MYT1L: variants seen among roughly 807,000 people sequenced by gnomAD.
MYT1L encodes myelin transcription factor 1 like.
A neutral mutation model predicts 126.7 loss-of-function variants in MYT1L; 12 were observed. The ratio of observed to expected loss-of-function variants is 0.09; its 90% CI spans 0.06 to 0.15. The LOEUF (loss-of-function observed/expected upper bound fraction) is 0.15, where lower values mean the gene tolerates loss of function less well. Ranked by LOEUF, MYT1L falls within the 10% of genes least tolerant of loss-of-function variation. MYT1L has a pLI of 1.00. For missense variants in MYT1L, 979 were observed against 1,585.2 expected (o/e 0.62, Z 6.49); for synonymous variants, 541 against 604.2 (o/e 0.90, Z 1.53).
intron 2 of MYT1L, among the ~76,000 whole-genome samples, chr2:2,189,783 C>T (rs1326074795): frequency 2.0e-5 from 3 of 150,928 alleles, no homozygotes; most frequent in Non-Finnish European, 2.9e-5. Flanking sequence ...CAGGACCGCA[C>T]GGGGAGAAGC....
intron 2 of MYT1L, among the ~76,000 whole-genome samples, chr2:2,193,083 T>G (rs900024811): frequency 9.2e-5 from 14 of 152,108 alleles, no homozygotes; most frequent in African/African-American, 2.9e-4. Flanking sequence ...GCCTCAGTGA[T>G]TCTCCTGCCT....
chr2:1,945,976 T>C (rs184728081), intron 8 of MYT1L, among the ~76,000 whole-genome samples: 31 of 152,272 alleles, frequency 2.0e-4, no homozygotes, highest in Admixed American at 7.8e-4. Flanking sequence ...TGTGGCCTGT[T>C]AGGAACTGGG....
At chr2:1,810,624 A>G (rs923062460) in intron 21 of MYT1L, among the ~76,000 whole-genome samples, 1 of 152,172 alleles carries the variant, frequency 6.6e-6, no homozygotes, top group Non-Finnish European at 1.5e-5. Context: ...AAATATCTCT[A>G]ATATCTGCAT....
chr2:2,130,844 A>C (rs2082278330), intron 3 of MYT1L, among the ~76,000 whole-genome samples: 1 of 152,166 alleles, frequency 6.6e-6, no homozygotes, highest in Admixed American at 6.5e-5. Context: ...AGTTTATGAC[A>C]ATTTTATTTG....
intron 2 of MYT1L, among the ~76,000 whole-genome samples, chr2:2,215,168 G>T (rs1326469308): frequency 1.3e-5 from 2 of 151,988 alleles, no homozygotes; most frequent in African/African-American, 4.8e-5. Flanking sequence ...AGAACAGATG[G>T]GATAAATATA....
chr2:2,114,138 C>T (rs2079884838), intron 3 of MYT1L, among the ~76,000 whole-genome samples: 1 of 152,348 alleles, frequency 6.6e-6, no homozygotes, highest in Admixed American at 6.5e-5. Flanking sequence ...GGAGCTGGAG[C>T]TCAGAGTAAT....
chr2:2,106,136 C>T (rs1037617671), intron 3 of MYT1L, among the ~76,000 whole-genome samples: 1 of 152,110 alleles, frequency 6.6e-6, no homozygotes, highest in Non-Finnish European at 1.5e-5. Context: ...CACCCGGGAT[C>T]GGACGACCAG....
At chr2:2,201,309 C>T (rs1246499262) in intron 2 of MYT1L, among the ~76,000 whole-genome samples, 4 of 152,202 alleles carry the variant, frequency 2.6e-5, no homozygotes, top group African/African-American at 4.8e-5. Flanking sequence ...TAAATCTGCA[C>T]TCCTCATGGT....
chr2:1,887,343 C>T lies in MYT1L; in HGVS notation c.2642+145G>A, dbSNP rs569270532. 28 of 1,057,290 alleles carry T rather than the reference C, an allele frequency of 2.6e-5. No individual in the cohort carries two copies. The highest frequency in any genetic ancestry group is 3.9e-5 in the Non-Finnish European group (28 of 717,198). The allele number at this position is 1,057,290 out of a possible 1,614,324, so 65.5% of individuals were successfully genotyped here. On this transcript the variant is annotated intron_variant, in intron 17 of 24. Transcript: ENST00000647738. This position sits in a 1 kb window ranked among gnomAD's most constrained non-coding sequence, Gnocchi z 4.8. The stretch of plus-strand genomic sequence containing the variant: ...GCAAGTGCACGGTTAGCTGCTCACT[C>T]TACTGACCCAGCAGTCGGAAACATT...
intron 3 of MYT1L, among the ~76,000 whole-genome samples, chr2:2,140,565 G>C (rs2083817454): frequency 6.6e-6 from 1 of 151,210 alleles, no homozygotes; most frequent in African/African-American, 2.4e-5. Flanking sequence ...CTCCCAAGTA[G>C]CTGGGACTAC....
chr2:2,078,213 T>G (rs1490318185), intron 3 of MYT1L, among the ~76,000 whole-genome samples: 1 of 151,924 alleles, frequency 6.6e-6, no homozygotes, highest in Non-Finnish European at 1.5e-5. Context: ...ACAAAGGAAC[T>G]AAAAGGTTAT....
chr2:2,257,578 C>T (rs34310978), intron 2 of MYT1L, among the ~76,000 whole-genome samples: 12,179 of 152,186 alleles, frequency 0.08, 736 homozygotes, highest in Admixed American at 0.2. Flanking sequence ...ACTGTATCGT[C>T]TATTTGAAAT....
At chr2:2,114,531 G>GCCA (rs1406804699) in intron 3 of MYT1L, among the ~76,000 whole-genome samples, 1 of 152,122 alleles carries the variant, frequency 6.6e-6, no homozygotes, top group African/African-American at 2.4e-5. Context: ...CATGATATTT[G>GCCA]CCACACTTTG....
chr2:2,074,668 A>G (rs575068416), intron 3 of MYT1L, among the ~76,000 whole-genome samples: 2 of 152,346 alleles, frequency 1.3e-5, no homozygotes, highest in East Asian at 3.9e-4. Flanking sequence ...AGAGGTGGAC[A>G]TGAGCTAAAA....
chr2:2,161,220 A>G (rs2087858474), intron 3 of MYT1L, among the ~76,000 whole-genome samples: 1 of 152,194 alleles, frequency 6.6e-6, no homozygotes, highest in African/African-American at 2.4e-5. Flanking sequence ...CTCAAACAAA[A>G]CAAAACAAAA....
At chr2:1,957,576 C>T (rs1392957860) in intron 8 of MYT1L, among the ~76,000 whole-genome samples, 2 of 151,264 alleles carry the variant, frequency 1.3e-5, no homozygotes, top group Non-Finnish European at 2.9e-5. Flanking sequence ...CTATCAATCA[C>T]CTATCATCCA....
chr2:1,805,563 G>C (rs369242125), intron 22 of MYT1L, among the ~76,000 whole-genome samples: 81 of 152,210 alleles, frequency 5.3e-4, no homozygotes, highest in African/African-American at 1.7e-3. Context: ...AGCAACACAG[G>C]GGGCAACATA....
At chr2:2,091,406 G>A (rs966123610) in intron 3 of MYT1L, among the ~76,000 whole-genome samples, 1 of 152,106 alleles carries the variant, frequency 6.6e-6, no homozygotes, top group African/African-American at 2.4e-5. Context: ...TCAACAGTAG[G>A]CTTGAAGTAT....
chr2:2,074,753 T>G (rs2075022654), intron 3 of MYT1L, among the ~76,000 whole-genome samples: 1 of 152,134 alleles, frequency 6.6e-6, no homozygotes, highest in South Asian at 2.1e-4. Flanking sequence ...TTGGTTTTGA[T>G]GAACAAAAAA....
Sources: gnomAD v4.1 joint callset for allele counts (sites outside exome capture counted in the v4.1 genomes callset) on GRCh38, gnomAD v4.1.1 for gene constraint, Gnocchi (gnomAD v3.1) non-coding constraint, MANE v1.5 for transcripts, NCBI Gene and HGNC (gene_info 2026-07-23, HGNC 2026-07-21) for gene names.